ZBTB24: variants seen among roughly 807,000 people sequenced by gnomAD.
ZBTB24 encodes zinc finger and BTB domain containing 24.
ZBTB24 carries 32 observed loss-of-function variants against 53.8 expected under a neutral mutation model. The ratio of observed to expected loss-of-function variants is 0.60; its 90% CI spans 0.45 to 0.80. The LOEUF (loss-of-function observed/expected upper bound fraction) is 0.80. ZBTB24 is among the 30% of genes least tolerant of loss of function. The probability of loss-of-function intolerance (pLI) is 0.00; values close to 1 mark genes in which losing one functional copy is unlikely to be tolerated. For missense variants in ZBTB24, 722 were observed against 837.1 expected (o/e 0.86, Z 1.70); for synonymous variants, 297 against 306.7 (o/e 0.97, Z 0.33).
intron 2 of ZBTB24, among the ~76,000 whole-genome samples, chr6:109,479,149 C>T (rs1776343259): frequency 6.6e-6 from 1 of 152,172 alleles, no homozygotes; most frequent in Non-Finnish European, 1.5e-5. Flanking sequence ...AACTGAAAGA[C>T]AGTTTCCAAA....
At chr6:109,467,339 A>G (rs773596708) in intron 6 of ZBTB24, among the ~76,000 whole-genome samples, 4 of 152,136 alleles carry the variant, frequency 2.6e-5, no homozygotes, top group Non-Finnish European at 5.9e-5. Context: ...CCTGGTCAAC[A>G]TGGTGAAATC....
At chr6:109,476,691 T>C in intron 3 of ZBTB24, 72 bp downstream of exon 3, 1 of 1,548,394 alleles carries the variant, frequency 6.5e-7, no homozygotes, top group Non-Finnish European at 8.7e-7. Flanking sequence ...AAAACACCAT[T>C]TAGGTGTTGG....
chr6:109,467,384 G>A (rs533769996), intron 6 of ZBTB24, among the ~76,000 whole-genome samples: 3 of 152,264 alleles, frequency 2.0e-5, no homozygotes, highest in African/African-American at 7.2e-5. Flanking sequence ...AACTAGCTGG[G>A]TGTGGTATCC....
At chr6:109,476,494 G>A (rs980292951) in intron 3 of ZBTB24, among the ~76,000 whole-genome samples, 2 of 152,174 alleles carry the variant, frequency 1.3e-5, no homozygotes, top group Admixed American at 1.3e-4. Flanking sequence ...AAGTTTCCCC[G>A]AAAGGCGTTC....
rs1420376374 is a variant in ZBTB24 at position 109,481,074 on chromosome 6, C to A, written c.952+1G>T. On this transcript the variant is annotated splice_donor_variant, in intron 2 of 6. Transcript: ENST00000230122. LOFTEE classifies it high-confidence loss of function. Reference sequence around the variant, plus strand: ...GCAATCAGCTTTGAAAACATCATTACCTGTGTGGCTCCTCTGGTGGATTGC... The same window carrying A: ...GCAATCAGCTTTGAAAACATCATTAACTGTGTGGCTCCTCTGGTGGATTGC... The A allele has an allele frequency of 6.2e-7, 1 of 1,613,858 alleles. No homozygotes were observed. Among genetic ancestry groups the A allele is most frequent in the Non-Finnish European group, 8.5e-7 (1 of 1,179,774 alleles).
rs1776400396 is a variant in ZBTB24 at position 109,481,155 on chromosome 6, C to A, written c.872G>T (p.Gly291Val). ...ACAGTCTTTACAGCGGGCCTCAGGG[C>A]CTCCAGGGCGCTTTCTCCTTCCACA... ...RICGRRKRPGGPEARCKDCGK... is the reference protein window; with the variant it reads ...RICGRRKRPGVPEARCKDCGK... Residue 291 changes from glycine (G) to valine (V), a missense_variant, in exon 2 of 7, where the codon GGC (glycine) becomes GTC (valine). Gly to Val is a moderately radical substitution (Grantham distance 109). Transcript: ENST00000230122. The A allele has an allele frequency of 6.2e-7, 1 of 1,614,102 alleles. No homozygotes were observed. Among genetic ancestry groups the A allele is most frequent in the Non-Finnish European group, 8.5e-7 (1 of 1,180,048 alleles).
rs1038789682 is a variant in ZBTB24, at chr6:109,467,340, T to C, written c.1370+313A>G. On this transcript the variant is annotated intron_variant, in intron 6 of 6. Transcript: ENST00000230122. Reference sequence around the variant, plus strand: ...GAGTCTGAGACCAGCCTGGTCAACATGGTGAAATCCCGTCTCTACCAAAAA... The same window carrying C: ...GAGTCTGAGACCAGCCTGGTCAACACGGTGAAATCCCGTCTCTACCAAAAA... Among the ~76,000 whole-genome samples the C allele has an allele frequency of 5.9e-5, 9 of 152,174 alleles. 1 individual carries two copies. In the South Asian group the frequency reaches 8.3e-4, roughly 14 times the overall value.
rs2115350598 is a variant in ZBTB24 at position 109,463,480 on chromosome 6, T to C, written c.*2371A>G. On this transcript the variant is annotated 3_prime_UTR_variant, in exon 7 of 7. Coordinates refer to ENST00000230122, the MANE Select transcript of ZBTB24 (RefSeq NM_014797.3). ...AGCAGCCACTAGCCACATGTGCTTA[T>C]CAAGCATTTGCACTGTGTCCCATGC... The C allele has an allele frequency of 6.6e-6, 1 of 152,334 alleles. No homozygotes were observed. The highest frequency in any genetic ancestry group is 1.5e-5 in the Non-Finnish European group (1 of 68,028). 9.4% of individuals were successfully genotyped at this position (152,334 alleles called of 1,614,324 possible).
chr6:109,462,855 T>C lies in ZBTB24; in HGVS notation c.*2996A>G, dbSNP rs1337312318. ...TCCTAAGAAACACACTCTATATTTCTGTTAAAACAATTTAAAAAATGGTAC... is the reference window on the plus strand; with the variant it reads ...TCCTAAGAAACACACTCTATATTTCCGTTAAAACAATTTAAAAAATGGTAC... On this transcript the variant is annotated 3_prime_UTR_variant, in exon 7 of 7. Coordinates refer to ENST00000230122, the MANE Select transcript of ZBTB24 (RefSeq NM_014797.3). 4 of 152,234 alleles carry C rather than the reference T, an allele frequency of 2.6e-5. No homozygotes were observed. The highest frequency in any genetic ancestry group is 2.9e-5 in the Non-Finnish European group (2 of 68,046). The allele number at this position is 152,234 out of a possible 1,614,324, so 9.4% of individuals were successfully genotyped here.
rs1277609926 is a variant in ZBTB24 at position 109,465,590 on chromosome 6, G to A, written c.*261C>T. 2.7e-6 allele frequency: 4 copies of A among 1,466,700 alleles called. No individual in the cohort carries two copies. The highest frequency in any genetic ancestry group is 2.5e-5 in the East Asian group (1 of 40,538). 90.9% of individuals were successfully genotyped at this position (1,466,700 alleles called of 1,614,324 possible). On this transcript the variant is annotated 3_prime_UTR_variant, in exon 7 of 7. Coordinates refer to ENST00000230122, the MANE Select transcript of ZBTB24 (RefSeq NM_014797.3). The stretch of plus-strand genomic sequence containing the variant: ...CAATGCCCCCAAAGAAAAACTACCC[G>A]AGTCTTTATGAGACATTGCAGATTA...
At chr6:109,471,979 T>G (rs972992613) in intron 5 of ZBTB24, among the ~76,000 whole-genome samples, 2 of 152,124 alleles carry the variant, frequency 1.3e-5, no homozygotes, top group Non-Finnish European at 2.9e-5. Flanking sequence ...GATGCACTCC[T>G]AGGAAAGGGA....
chr6:109,474,404 A>C (rs1776235126), intron 5 of ZBTB24, among the ~76,000 whole-genome samples: 1 of 152,062 alleles, frequency 6.6e-6, no homozygotes, highest in Non-Finnish European at 1.5e-5. Flanking sequence ...TCTATGCTAC[A>C]TTTGTGTCTG....
intron 5 of ZBTB24, among the ~76,000 whole-genome samples, chr6:109,474,749 A>AT (rs371270410): frequency 0.049 from 7,375 of 151,152 alleles, 196 homozygotes; most frequent in South Asian, 0.079. Flanking sequence ...AAAAAAAAAA[A>AT]TTTATCTTGC....
At chr6:109,473,643 A>G (rs2115359131) in intron 5 of ZBTB24, among the ~76,000 whole-genome samples, 1 of 152,324 alleles carries the variant, frequency 6.6e-6, no homozygotes, top group East Asian at 1.9e-4. Flanking sequence ...TTGGCCCCTT[A>G]AGGCAGGGGC....
Position 109,481,844 on chromosome 6 carries a change from G to C in ZBTB24, c.183C>G (p.Tyr61Ter). The C allele has an allele frequency of 6.2e-7, 1 of 1,614,180 alleles. No individual in the cohort carries two copies. Among genetic ancestry groups the C allele is most frequent in the Non-Finnish European group, 8.5e-7 (1 of 1,180,032 alleles). ...HKALLAASSE[Y>*]FSMMFAEEGE... Reference sequence around the variant, plus strand: ...CCTCTTCTGCAAACATCATTGAGAAGTATTCACTACTGGCAGCAAGTAAGG... The same window carrying C: ...CCTCTTCTGCAAACATCATTGAGAACTATTCACTACTGGCAGCAAGTAAGG... The change falls in exon 2 of 7, where the codon TAC (tyrosine) becomes TAG (stop). Residue 61 changes from tyrosine to a stop codon, truncating the protein, a stop_gained. Transcript: ENST00000230122. LOFTEE classifies it high-confidence loss of function.
chr6:109,482,797 A>G (rs1249446555), intron 1 of ZBTB24, among the ~76,000 whole-genome samples: 1 of 152,208 alleles, frequency 6.6e-6, no homozygotes, highest in Non-Finnish European at 1.5e-5. Context: ...ATTATTAGCC[A>G]TTTCGTATGT....
intron 3 of ZBTB24, 66 bp downstream of exon 3, chr6:109,476,697 G>A (rs1050311666): frequency 3.2e-6 from 5 of 1,573,556 alleles, no homozygotes; most frequent in Non-Finnish European, 4.3e-6. Flanking sequence ...CCATTTAGGT[G>A]TTGGTAATGC....
intron 5 of ZBTB24, among the ~76,000 whole-genome samples, chr6:109,474,727 C>T (rs754804073): frequency 6.0e-4 from 86 of 143,118 alleles, no homozygotes; most frequent in Middle Eastern, 3.6e-3. Flanking sequence ...AGCGAGACTC[C>T]GTCTCAAAAA....
At position 109,466,733 on chromosome 6, in the gene ZBTB24, G is replaced by C. The variant is rs112340101; in HGVS notation, c.1371-159C>G. ...AATTCAAGGACTTGAAGCAAGTCTC[G>C]CTTCCATGGGCAGTTTTTAATCTGA... On this transcript the variant is annotated intron_variant, in intron 6 of 6. Transcript: ENST00000230122. 3.8e-3 allele frequency among the ~76,000 whole-genome samples: 573 copies of C among 152,268 alleles called. 4 individuals carry two copies. Among genetic ancestry groups the C allele is most frequent in the African/African-American group, 0.013 (540 of 41,556 alleles).
Sources: allele counts gnomAD v4.1 joint callset (sites outside exome capture counted in the v4.1 genomes callset), GRCh38; gene constraint gnomAD v4.1.1; transcripts MANE v1.5; gene names NCBI Gene and HGNC (gene_info 2026-07-23, HGNC 2026-07-21).